SNRPN: variants seen among roughly 807,000 people sequenced by gnomAD.
SNRPN encodes the protein small nuclear ribonucleoprotein-associated protein N.
SNRPN carries 7 observed loss-of-function variants against 25.2 expected under a neutral mutation model. The observed-to-expected ratio is 0.28, with a 90% CI of 0.16 to 0.52. SNRPN has a LOEUF of 0.52. Among genes scored for constraint, SNRPN ranks in the 20% least tolerant of loss-of-function variants. The pLI, the probability that SNRPN is intolerant of heterozygous loss-of-function variation, is 0.96. For missense variants in SNRPN, 196 were observed against 322.5 expected (o/e 0.61, Z 3.00); for synonymous variants, 124 against 110.6 (o/e 1.12, Z -0.76).
chr15:24,845,250 CTATT>C (rs1204085326), intron 2 of SNRPN, among the ~76,000 whole-genome samples: 1 of 152,156 alleles, frequency 6.6e-6, no homozygotes, highest in African/African-American at 2.4e-5. Flanking sequence ...TTCCATTTAT[CTATT>C]TATCCTTACA....
chr15:24,868,078 G>A (rs2054746929), intron 1 of SNRPN, among the ~76,000 whole-genome samples: 1 of 151,306 alleles, frequency 6.6e-6, no homozygotes, highest in Non-Finnish European at 1.5e-5. Flanking sequence ...GTATTCTTAT[G>A]TTTATAGTTT....
intron 2 of SNRPN, among the ~76,000 whole-genome samples, chr15:24,839,842 C>T (rs553432003): frequency 1.3e-5 from 2 of 151,488 alleles, no homozygotes; most frequent in East Asian, 1.9e-4. Flanking sequence ...CATTTGTTCA[C>T]GGAGCCTGCT....
chr15:24,954,841 T>TC (rs375501198), upstream of SNRPN: 338 of 663,112 alleles, frequency 5.1e-4, no homozygotes, highest in African/African-American at 5.5e-3. Flanking sequence ...AGTAGCCCCC[T>TC]CCCCCCAGGT....
At chr15:24,919,852 A>T (rs1270813897) in intron 2 of SNRPN, among the ~76,000 whole-genome samples, 3 of 152,208 alleles carry the variant, frequency 2.0e-5, no homozygotes, top group Non-Finnish European at 2.9e-5. Flanking sequence ...AATCTTTGTC[A>T]GTGTACAGAA....
chr15:24,932,092 G>T (rs181115837), intron 3 of SNRPN, among the ~76,000 whole-genome samples: 2 of 152,150 alleles, frequency 1.3e-5, no homozygotes, highest in East Asian at 3.9e-4. Flanking sequence ...CTGGAACAAA[G>T]AGTAAATTCA....
intron 3 of SNRPN, among the ~76,000 whole-genome samples, chr15:24,944,694 C>T (rs922024977): frequency 1.3e-5 from 2 of 152,098 alleles, no homozygotes; most frequent in Non-Finnish European, 2.9e-5. Context: ...CTCTTGCTAC[C>T]GAAATCTGTG....
At chr15:24,904,078 A>T (rs1331958213) in intron 2 of SNRPN, among the ~76,000 whole-genome samples, 1 of 151,672 alleles carries the variant, frequency 6.6e-6, no homozygotes, top group Non-Finnish European at 1.5e-5. Flanking sequence ...AAGGAAAAAG[A>T]TGGGTAAAAA....
chr15:24,972,779 A>G (rs1191196722), intron 3 of SNRPN, among the ~76,000 whole-genome samples: 1 of 137,076 alleles, frequency 7.3e-6, no homozygotes, highest in African/African-American at 3.0e-5. Context: ...TGCATGCTTG[A>G]TTACGGTCAT....
chr15:24,930,862 G>A (rs1225127982), intron 3 of SNRPN, among the ~76,000 whole-genome samples: 1 of 150,822 alleles, frequency 6.6e-6, no homozygotes, highest in African/African-American at 2.4e-5. Flanking sequence ...TTGTGCCACT[G>A]TACTCCAGCT....
At chr15:24,916,449 G>C (rs1358571013) in intron 2 of SNRPN, among the ~76,000 whole-genome samples, 6 of 151,996 alleles carry the variant, frequency 3.9e-5, no homozygotes, top group African/African-American at 1.5e-4. Context: ...AGTTACTTAG[G>C]AGGCTAAGGC....
At chr15:24,904,523 C>T (rs1161682953) in intron 2 of SNRPN, among the ~76,000 whole-genome samples, 7 of 151,822 alleles carry the variant, frequency 4.6e-5, no homozygotes, top group East Asian at 3.9e-4. Context: ...GGCATGGTGC[C>T]GCGCGCCTGT....
At chr15:24,834,476 C>G (rs1212094165) in intron 2 of SNRPN, among the ~76,000 whole-genome samples, 1 of 151,930 alleles carries the variant, frequency 6.6e-6, no homozygotes, top group East Asian at 1.9e-4. Context: ...TCCTTATTGA[C>G]TCAGTTTTCA....
intron 1 of SNRPN, among the ~76,000 whole-genome samples, chr15:24,863,390 G>T (rs559964110): frequency 6.7e-6 from 1 of 150,352 alleles, no homozygotes; most frequent in Non-Finnish European, 1.5e-5. Flanking sequence ...GGCTGCAGAG[G>T]TGGCAGCAAT....
chr15:24,873,959 G>T (rs2149026867), intron 1 of SNRPN, among the ~76,000 whole-genome samples: 1 of 149,252 alleles, frequency 6.7e-6, no homozygotes, highest in East Asian at 2.0e-4. Context: ...ACCTCCCACA[G>T]CATACTTCAT....
chr15:24,850,286 C>T (rs891369818), intron 2 of SNRPN: 7 of 152,110 alleles, frequency 4.6e-5, no homozygotes, highest in Non-Finnish European at 1.0e-4. Context: ...TAACTAATAA[C>T]GATACAGAAT....
intron 2 of SNRPN, among the ~76,000 whole-genome samples, chr15:24,835,885 G>A (rs1296206360): frequency 2.0e-5 from 3 of 151,526 alleles, no homozygotes; most frequent in South Asian, 2.1e-4. Flanking sequence ...GGCTGGTCTC[G>A]AACTCCTAGG....
intron 3 of SNRPN, among the ~76,000 whole-genome samples, chr15:24,930,503 T>C (rs1452387880): frequency 6.7e-6 from 1 of 148,908 alleles, no homozygotes; most frequent in Non-Finnish European, 1.5e-5. Flanking sequence ...CCCAGCACTT[T>C]GGGAGACTGA....
chr15:24,970,055 TATAGTC>T (rs1433833481), intron 3 of SNRPN, among the ~76,000 whole-genome samples: 1 of 152,166 alleles, frequency 6.6e-6, no homozygotes, highest in Non-Finnish European at 1.5e-5. Flanking sequence ...GGCCAGTCAA[TATAGTC>T]ATAATGTCAT....
intron 3 of SNRPN, among the ~76,000 whole-genome samples, chr15:24,932,718 C>T (rs7171003): frequency 0.019 from 2,827 of 151,428 alleles, 97 homozygotes; most frequent in African/African-American, 0.064. Flanking sequence ...GACACAATCT[C>T]GGCTCACTGC....
Sources: gnomAD v4.1 joint callset for allele counts (sites outside exome capture counted in the v4.1 genomes callset) on GRCh38, gnomAD v4.1.1 for gene constraint, MANE v1.5 for transcripts, NCBI Gene and HGNC (gene_info 2026-07-23, HGNC 2026-07-21) for gene names.